The following DEPTOR variants were observed in gnomAD, a reference collection of about 807,000 sequenced individuals.
DEPTOR encodes DEP domain-containing mTOR-interacting protein.
Under a neutral mutation model 41.6 loss-of-function variants are expected in DEPTOR, and 41 were observed. The observed-to-expected ratio is 0.98, with a 90% CI of 0.77 to 1.28. The LOEUF is 1.28. Among genes scored for constraint, DEPTOR ranks in the 50% most tolerant of loss-of-function variants. DEPTOR has a pLI of 0.00. For missense variants in DEPTOR, 514 were observed against 527.9 expected (o/e 0.97, Z 0.26); for synonymous variants, 195 against 192.3 (o/e 1.01, Z -0.12).
chr8:119,928,651 T>A, intron 2 of DEPTOR, 73 bp downstream of exon 2: 1 of 1,491,556 alleles, frequency 6.7e-7, no homozygotes, highest in Admixed American at 2.2e-5. Context: ...CATACCCACT[T>A]AAGAAAGAAA....
At chr8:120,017,104 C>A (rs1331942929) in intron 8 of DEPTOR, among the ~76,000 whole-genome samples, 1 of 152,198 alleles carries the variant, frequency 6.6e-6, no homozygotes, top group Non-Finnish European at 1.5e-5. Flanking sequence ...CAATTCTTGG[C>A]TTTTAGTACG....
At chr8:120,004,065 TG>T (rs1812397048) in intron 6 of DEPTOR, among the ~76,000 whole-genome samples, 1 of 152,212 alleles carries the variant, frequency 6.6e-6, no homozygotes, top group Non-Finnish European at 1.5e-5. Flanking sequence ...CATCAGATCT[TG>T]GGGATACAAA....
intron 8 of DEPTOR, among the ~76,000 whole-genome samples, chr8:120,012,680 G>A (rs957751042): frequency 2.0e-5 from 3 of 151,956 alleles, no homozygotes; most frequent in African/African-American, 7.2e-5. Context: ...GGGACTACAG[G>A]CACGCACCAC....
chr8:119,991,999 A>C (rs868295984), intron 4 of DEPTOR, among the ~76,000 whole-genome samples: 1 of 152,190 alleles, frequency 6.6e-6, no homozygotes, highest in Non-Finnish European at 1.5e-5. Context: ...TCTTGCTGGC[A>C]GGGAAACCAC....
chr8:119,898,593 A>G (rs1465403129), intron 1 of DEPTOR, among the ~76,000 whole-genome samples: 1 of 151,982 alleles, frequency 6.6e-6, no homozygotes, highest in Non-Finnish European at 1.5e-5. Flanking sequence ...GCATGGTGGC[A>G]TGTGCCTGTG....
chr8:119,893,881 C>A (rs1242295741), intron 1 of DEPTOR, among the ~76,000 whole-genome samples: 1 of 152,130 alleles, frequency 6.6e-6, no homozygotes, highest in Non-Finnish European at 1.5e-5. Flanking sequence ...CCAGCCTCTG[C>A]CAGAGAAAAC....
intron 4 of DEPTOR, among the ~76,000 whole-genome samples, chr8:119,991,788 A>G (rs902008791): frequency 3.9e-5 from 6 of 152,240 alleles, no homozygotes; most frequent in African/African-American, 1.4e-4. Flanking sequence ...ATTGTAACTA[A>G]TTCTTAAATA....
intron 1 of DEPTOR, among the ~76,000 whole-genome samples, chr8:119,911,123 A>T (rs942053608): frequency 1.3e-5 from 2 of 151,958 alleles, no homozygotes; most frequent in African/African-American, 4.8e-5. Flanking sequence ...TATCTTTGGG[A>T]CTGACCAGAT....
intron 4 of DEPTOR, among the ~76,000 whole-genome samples, chr8:119,998,035 A>T (rs1275384595): frequency 6.6e-6 from 1 of 152,200 alleles, no homozygotes; most frequent in East Asian, 1.9e-4. Flanking sequence ...CAAGAAAAGT[A>T]CCTGGTATAT....
At chr8:119,968,686 G>A (rs1828594846) in intron 4 of DEPTOR, among the ~76,000 whole-genome samples, 1 of 152,138 alleles carries the variant, frequency 6.6e-6, no homozygotes, top group Non-Finnish European at 1.5e-5. Flanking sequence ...AAATCAGAAG[G>A]TGAAGGCACC....
At chr8:119,920,230 C>G (rs1220653152) in intron 1 of DEPTOR, among the ~76,000 whole-genome samples, 1 of 152,172 alleles carries the variant, frequency 6.6e-6, no homozygotes, top group African/African-American at 2.4e-5. Flanking sequence ...ATGCTTCCCA[C>G]CATGCTGAAT....
rs775505421 is a variant in DEPTOR, at chr8:119,928,498, T to C, written c.221T>C (p.Ile74Thr). ...FVAKELIDWL[I>T]EHKEASDRET... ...GCAAAAGAACTGATTGACTGGCTGA[T>C]TGAACACAAAGAGGCTTCTGACAGA... The change falls in exon 2 of 9, where the codon ATT becomes ACT. Residue 74 changes from isoleucine (I) to threonine (T), a missense_variant. Coordinates refer to ENST00000286234, the MANE Select transcript of DEPTOR (RefSeq NM_022783.4). The C allele has an allele frequency of 5.0e-6, 8 of 1,614,044 alleles. No homozygotes were observed. The highest frequency in any genetic ancestry group is 1.1e-5 in the South Asian group (1 of 91,084).
At chr8:120,018,879 C>G (rs933101741) in intron 8 of DEPTOR, among the ~76,000 whole-genome samples, 1 of 152,152 alleles carries the variant, frequency 6.6e-6, no homozygotes, top group African/African-American at 2.4e-5. Flanking sequence ...CTCTGATGCC[C>G]TCAGTAATAC....
In DEPTOR at chr8:120,043,840, C is replaced by T. The variant is rs537503558; in HGVS notation, c.1102-5736C>T. ...CAGCCTCGCCAACATGGTGAAACCC[C>T]GTCTCTACTAAAAATACAAAAATTA... On this transcript the variant is annotated intron_variant, in intron 8 of 8. Coordinates refer to ENST00000286234, the MANE Select transcript of DEPTOR (RefSeq NM_022783.4). Among the ~76,000 whole-genome samples, 279 of 151,906 alleles carry T rather than the reference C, an allele frequency of 1.8e-3. 1 individual carries two copies. Among genetic ancestry groups the T allele is most frequent in the African/African-American group, 6.3e-3 (263 of 41,456 alleles).
At chr8:119,929,361 G>C (rs1030966649) in intron 2 of DEPTOR, among the ~76,000 whole-genome samples, 2 of 151,922 alleles carry the variant, frequency 1.3e-5, no homozygotes, top group African/African-American at 4.8e-5. Context: ...TGTGTTCCTG[G>C]GGCACTGGGT....
chr8:119,912,946 A>G (rs1827763502), intron 1 of DEPTOR, among the ~76,000 whole-genome samples: 1 of 151,972 alleles, frequency 6.6e-6, no homozygotes, highest in African/African-American at 2.4e-5. Flanking sequence ...TTTGAGATGG[A>G]GTCTTGCTCT....
intron 8 of DEPTOR, among the ~76,000 whole-genome samples, chr8:120,024,402 G>T (rs1358662065): frequency 1.3e-5 from 2 of 152,048 alleles, no homozygotes; most frequent in African/African-American, 4.8e-5. Flanking sequence ...GCTGAATTTT[G>T]TCCCCCAAAA....
At chr8:119,965,192 C>T (rs62528695) in intron 3 of DEPTOR, 40 bp from the exon 4 acceptor site, 27,275 of 1,571,462 alleles carry the variant, frequency 0.017, 298 homozygotes, top group Middle Eastern at 0.048. Context: ...GTTTTCCTTT[C>T]GTATAGGTTT....
chr8:119,967,114 T>C (rs1171610608), intron 4 of DEPTOR, among the ~76,000 whole-genome samples: 1 of 151,408 alleles, frequency 6.6e-6, no homozygotes, highest in Non-Finnish European at 1.5e-5. Context: ...AGTCTCTCTT[T>C]GTCACCCAGG....
Sources: gnomAD v4.1 joint callset for allele counts (sites outside exome capture counted in the v4.1 genomes callset) on GRCh38, gnomAD v4.1.1 for gene constraint, MANE v1.5 for transcripts, NCBI Gene and HGNC (gene_info 2026-07-23, HGNC 2026-07-21) for gene names.